SCG5: variants seen among roughly 807,000 people sequenced by gnomAD.
SCG5 encodes secretogranin V.
In SCG5, 18 loss-of-function variants were observed where a neutral mutation model predicts 25.7. The observed-to-expected ratio is 0.70, with a 90% CI of 0.48 to 1.04. SCG5 has a LOEUF of 1.04. SCG5 is among the 50% of genes least tolerant of loss of function. The pLI, the probability that SCG5 is intolerant of heterozygous loss-of-function variation, is 0.00. For missense variants in SCG5, 206 were observed against 259.8 expected (o/e 0.79, Z 1.42); for synonymous variants, 101 against 91.7 (o/e 1.10, Z -0.58).
rs79291170 is a variant in SCG5, at chr15:32,643,526, T to C, written c.-7-60T>C. On this transcript the variant is annotated intron_variant, in intron 1 of 5. Coordinates refer to ENST00000300175, the MANE Select transcript of SCG5 (RefSeq NM_001144757.3). Reference sequence around the variant, plus strand: ...ACCTGGAGTGGTTGCATCATTATAATTGTATTATCACAATTGCCGATTGTA... The same window carrying C: ...ACCTGGAGTGGTTGCATCATTATAACTGTATTATCACAATTGCCGATTGTA... 3.7e-3 allele frequency: 4,965 copies of C among 1,325,932 alleles called. 156 individuals carry two copies. The African/African-American group carries it at 0.063, about 17-fold the overall frequency. 82.1% of individuals were successfully genotyped at this position (1,325,932 alleles called of 1,614,324 possible).
At position 32,690,851 on chromosome 15, in the gene SCG5, C is replaced by T. The variant is rs183752701; in HGVS notation, c.490-859C>T. ...TCAGAGTATTTTATTTAGAACAAAA[C>T]GAATCACCTCTTTTATACATCATTT... On this transcript the variant is annotated intron_variant, in intron 4 of 5. Transcript: ENST00000300175. Among the ~76,000 whole-genome samples the T allele has an allele frequency of 1.1e-4, 16 of 148,464 alleles. 1 individual carries two copies. Among genetic ancestry groups the T allele is most frequent in the Admixed American group, 8.1e-4 (12 of 14,820 alleles).
chr15:32,695,987 T>C (rs1473489152), intron 5 of SCG5, among the ~76,000 whole-genome samples: 2 of 152,224 alleles, frequency 1.3e-5, no homozygotes, highest in African/African-American at 2.4e-5. Flanking sequence ...TAGAGACATC[T>C]ATCAGTCAGA....
At chr15:32,668,435 C>T (rs1420162838) in intron 2 of SCG5, among the ~76,000 whole-genome samples, 1 of 152,232 alleles carries the variant, frequency 6.6e-6, no homozygotes, top group African/African-American at 2.4e-5. Flanking sequence ...TTTTAGTCTA[C>T]AGACATATGG....
chr15:32,654,636 T>C (rs2054085001), intron 2 of SCG5, among the ~76,000 whole-genome samples: 1 of 152,216 alleles, frequency 6.6e-6, no homozygotes, highest in Non-Finnish European at 1.5e-5. Flanking sequence ...TGTTGATACT[T>C]CTTTGTATTT....
At chr15:32,692,590 A>G (rs2054878565) in intron 5 of SCG5, among the ~76,000 whole-genome samples, 1 of 152,216 alleles carries the variant, frequency 6.6e-6, no homozygotes, top group Non-Finnish European at 1.5e-5. Context: ...AAGTGGGAGA[A>G]AAAACAACCC....
At chr15:32,650,323 G>T (rs545818654) in intron 2 of SCG5, among the ~76,000 whole-genome samples, 1 of 152,030 alleles carries the variant, frequency 6.6e-6, no homozygotes, top group African/African-American at 2.4e-5. Flanking sequence ...GGATGGTCTC[G>T]ATCTCCTGAC....
At chr15:32,661,872 G>A (rs1015958947) in intron 2 of SCG5, among the ~76,000 whole-genome samples, 1 of 151,852 alleles carries the variant, frequency 6.6e-6, no homozygotes, top group Non-Finnish European at 1.5e-5. Flanking sequence ...GTTTAGAATC[G>A]TACCACCTAG....
At chr15:32,657,513 T>C (rs2054144758) in intron 2 of SCG5, among the ~76,000 whole-genome samples, 2 of 152,046 alleles carry the variant, frequency 1.3e-5, no homozygotes, top group South Asian at 4.1e-4. Flanking sequence ...TGTTGTATTC[T>C]GCCATGAAAT....
intron 2 of SCG5, among the ~76,000 whole-genome samples, chr15:32,647,463 A>G (rs1385512813): frequency 1.3e-5 from 2 of 152,226 alleles, no homozygotes; most frequent in Non-Finnish European, 2.9e-5. Flanking sequence ...ATATAGTATC[A>G]GTATAAATTA....
rs78886426 is a variant in SCG5, at chr15:32,691,421, T to C, written c.490-289T>C. 0.013 allele frequency among the ~76,000 whole-genome samples: 1,919 copies of C among 152,324 alleles called. 66 individuals are homozygous for C. The East Asian group carries it at 0.15, about 12-fold the overall frequency. On this transcript the variant is annotated intron_variant, in intron 4 of 5. Coordinates refer to ENST00000300175, the MANE Select transcript of SCG5 (RefSeq NM_001144757.3). ...GGCTGTTCAAAGTGAGGAGATGGGT[T>C]TCCAGCACCCTTCATGTTTTAAAAT...
chr15:32,649,883 C>T (rs1254942403), intron 2 of SCG5, among the ~76,000 whole-genome samples: 1 of 152,274 alleles, frequency 6.6e-6, no homozygotes, highest in Non-Finnish European at 1.5e-5. Context: ...CTTTCTAAGC[C>T]TAGTTCTCTC....
intron 4 of SCG5, among the ~76,000 whole-genome samples, chr15:32,687,100 G>A (rs1020964133): frequency 8.5e-5 from 13 of 152,174 alleles, no homozygotes; most frequent in African/African-American, 2.9e-4. Flanking sequence ...CAAGGTGTGA[G>A]TGAAGGCAAG....
rs1555433849 is a variant in SCG5, at chr15:32,657,209, A to ATATGTATG, written c.226+13395_226+13402dup. On this transcript the variant is annotated intron_variant, in intron 2 of 5. Coordinates refer to ENST00000300175, the MANE Select transcript of SCG5 (RefSeq NM_001144757.3). Reference sequence around the variant, plus strand: ...TTCTTTCATCCTCCTGTATATATATATATGTATGTATTTCCAGGTGTAAGT... The same window carrying ATATGTATG: ...TTCTTTCATCCTCCTGTATATATATATATGTATGTATGTATGTATTTCCAGGTGTAAGT... 1.0e-4 allele frequency among the ~76,000 whole-genome samples: 4 copies of ATATGTATG among 38,726 alleles called. 1 individual carries two copies. Among genetic ancestry groups the ATATGTATG allele is most frequent in the Admixed American group, 7.5e-4 (2 of 2,654 alleles). The allele number at this position is 38,726 out of a possible 152,430, so 25.4% of individuals were successfully genotyped here.
intron 2 of SCG5, among the ~76,000 whole-genome samples, chr15:32,668,034 A>T (rs758882699): frequency 6.6e-6 from 1 of 152,188 alleles, no homozygotes; most frequent in Non-Finnish European, 1.5e-5. Flanking sequence ...GAAATTGGGA[A>T]TATTTGTATG....
intron 2 of SCG5, among the ~76,000 whole-genome samples, chr15:32,655,523 G>T (rs905781331): frequency 6.6e-6 from 1 of 152,174 alleles, no homozygotes; most frequent in African/African-American, 2.4e-5. Flanking sequence ...GTGTTCTGTT[G>T]TAGTGGGTGC....
intron 2 of SCG5, among the ~76,000 whole-genome samples, chr15:32,659,175 C>CA (rs201195144): frequency 0.088 from 12,833 of 145,696 alleles, 646 homozygotes; most frequent in Middle Eastern, 0.2. Flanking sequence ...GACTCTGTCT[C>CA]AAAAAAAAAC....
intron 2 of SCG5, among the ~76,000 whole-genome samples, chr15:32,678,542 T>A (rs2054566236): frequency 6.6e-6 from 1 of 152,176 alleles, no homozygotes; most frequent in Admixed American, 6.5e-5. Context: ...AACCCAATGC[T>A]TGTGAGAATG....
intron 2 of SCG5, among the ~76,000 whole-genome samples, chr15:32,675,147 A>G (rs2054509040): frequency 6.6e-6 from 1 of 152,254 alleles, no homozygotes; most frequent in Non-Finnish European, 1.5e-5. Context: ...TTTATTCTAG[A>G]GACATTTTTA....
intron 3 of SCG5, among the ~76,000 whole-genome samples, chr15:32,681,132 C>A (rs994979315): frequency 6.6e-6 from 1 of 152,096 alleles, no homozygotes; most frequent in Admixed American, 6.6e-5. Flanking sequence ...CACCTCTTAC[C>A]TTGGGCTTGT....
Sources: gnomAD v4.1 joint callset for allele counts (sites outside exome capture counted in the v4.1 genomes callset) on GRCh38, gnomAD v4.1.1 for gene constraint, MANE v1.5 for transcripts, NCBI Gene and HGNC (gene_info 2026-07-23, HGNC 2026-07-21) for gene names.